Variants in CXCL13 observed in about 807,000 individuals in gnomAD.
The protein encoded by CXCL13 is C-X-C motif chemokine ligand 13.
CXCL13 carries 7 observed loss-of-function variants against 12.2 expected under a neutral mutation model. The ratio of observed to expected loss-of-function variants is 0.57; its 90% CI spans 0.33 to 1.07. The LOEUF is 1.07. Among genes scored for constraint, CXCL13 ranks in the 50% least tolerant of loss-of-function variants. The pLI is 0.04. For missense variants in CXCL13, 113 were observed against 127.4 expected (o/e 0.89, Z 0.55); for synonymous variants, 47 against 42.4 (o/e 1.11, Z -0.42).
At chr4:77,545,806 G>A (rs941869858) in intron 1 of CXCL13, among the ~76,000 whole-genome samples, 1 of 152,166 alleles carries the variant, frequency 6.6e-6, no homozygotes, top group Admixed American at 6.5e-5. Flanking sequence ...TGGTGAGAGA[G>A]GGCATCCCTG....
At chr4:77,549,495 G>C (rs1025127458) in intron 1 of CXCL13, among the ~76,000 whole-genome samples, 4 of 152,206 alleles carry the variant, frequency 2.6e-5, no homozygotes, top group African/African-American at 9.6e-5. Flanking sequence ...GGTCTTTGAT[G>C]ATGGTGACCT....
At chr4:77,573,058 G>A (rs1468013895) in intron 1 of CXCL13, among the ~76,000 whole-genome samples, 1 of 151,788 alleles carries the variant, frequency 6.6e-6, no homozygotes, top group African/African-American at 2.4e-5. Flanking sequence ...CACGTAGAGG[G>A]AAACAACCGA....
chr4:77,520,957 G>A (rs1724579747), intron 1 of CXCL13, among the ~76,000 whole-genome samples: 1 of 152,154 alleles, frequency 6.6e-6, no homozygotes, highest in Non-Finnish European at 1.5e-5. Context: ...GGCCTTTTCT[G>A]CATCCATTGA....
intron 1 of CXCL13, among the ~76,000 whole-genome samples, chr4:77,593,937 T>A (rs1726681933): frequency 6.6e-6 from 1 of 152,214 alleles, no homozygotes; most frequent in South Asian, 2.1e-4. Flanking sequence ...GAGATTGGGC[T>A]GAGTTAGAGG....
chr4:77,576,409 A>G (rs1726197388), intron 1 of CXCL13, among the ~76,000 whole-genome samples: 2 of 152,288 alleles, frequency 1.3e-5, no homozygotes, highest in Admixed American at 1.3e-4. Flanking sequence ...GCTTCTCCAG[A>G]ATTTGGAAAC....
At chr4:77,601,633 C>CAGG (rs1285175078), upstream of CXCL13, among the ~76,000 whole-genome samples, 1 of 152,208 alleles carries the variant, frequency 6.6e-6, no homozygotes, top group Non-Finnish European at 1.5e-5. Flanking sequence ...CATTTTAATT[C>CAGG]ACAGCAGGAG....
intron 1 of CXCL13, among the ~76,000 whole-genome samples, chr4:77,545,391 C>A (rs2109803543): frequency 6.6e-6 from 1 of 152,208 alleles, no homozygotes; most frequent in Admixed American, 6.5e-5. Context: ...ATGGAATGTT[C>A]TTCCATTTGA....
rs571301337 is a variant in CXCL13, at chr4:77,536,483, G to C, written c.-43+24695G>C. On this transcript the variant is annotated intron_variant, in intron 1 of 4. Coordinates refer to the CXCL13 transcript ENST00000286758. ...ATCCTGGCTCTGCTACCAACCAGCT[G>C]TATAAATTTGGGTAGCTCCCTTATC... 6.6e-5 allele frequency among the ~76,000 whole-genome samples: 10 copies of C among 152,268 alleles called. No individual in the cohort carries two copies. The South Asian group carries it at 2.1e-3, about 32-fold the overall frequency.
chr4:77,553,925 C>T (rs897430297), intron 1 of CXCL13, among the ~76,000 whole-genome samples: 1 of 151,944 alleles, frequency 6.6e-6, no homozygotes, highest in African/African-American at 2.4e-5. Flanking sequence ...TGGGATTTTG[C>T]TAAATGAGTA....
At chr4:77,567,528 G>A (rs1725968136) in intron 1 of CXCL13, among the ~76,000 whole-genome samples, 1 of 152,184 alleles carries the variant, frequency 6.6e-6, no homozygotes, top group South Asian at 2.1e-4. Flanking sequence ...AACAACTAAA[G>A]CAGCATGAGG....
intron 1 of CXCL13, among the ~76,000 whole-genome samples, chr4:77,567,320 C>A (rs115684894): frequency 0.019 from 2,833 of 152,296 alleles, 78 homozygotes; most frequent in African/African-American, 0.065. Flanking sequence ...AAAAGTTTTA[C>A]TGCTCACACA....
At chr4:77,572,001 A>C (rs964356771) in intron 1 of CXCL13, among the ~76,000 whole-genome samples, 4 of 151,706 alleles carry the variant, frequency 2.6e-5, no homozygotes, top group African/African-American at 4.9e-5. Context: ...CCACGAACCC[A>C]CCAGAAGAAA....
At chr4:77,551,441 A>C (rs183795570) in intron 1 of CXCL13, among the ~76,000 whole-genome samples, 1 of 152,214 alleles carries the variant, frequency 6.6e-6, no homozygotes, top group Non-Finnish European at 1.5e-5. Context: ...AATCCTGAAA[A>C]TAGGCCACCA....
At chr4:77,538,531 G>C (rs1255975055) in intron 1 of CXCL13, among the ~76,000 whole-genome samples, 1 of 149,752 alleles carries the variant, frequency 6.7e-6, no homozygotes, top group African/African-American at 2.5e-5. Flanking sequence ...CTGTACTATA[G>C]AAGCAAAATT....
chr4:77,531,849 C>T (rs575281339), intron 1 of CXCL13, among the ~76,000 whole-genome samples: 23 of 152,152 alleles, frequency 1.5e-4, no homozygotes, highest in Non-Finnish European at 2.9e-4. Flanking sequence ...GTCTGTTTTA[C>T]CAGAGACTAG....
intron 2 of CXCL13, among the ~76,000 whole-genome samples, chr4:77,609,166 A>G (rs952836949): frequency 7.9e-5 from 12 of 152,120 alleles, no homozygotes; most frequent in Non-Finnish European, 1.6e-4. Context: ...TGAAAACCCA[A>G]CTGCTCCATG....
At chr4:77,528,651 G>T (rs879323812) in intron 1 of CXCL13, among the ~76,000 whole-genome samples, 23 of 151,974 alleles carry the variant, frequency 1.5e-4, no homozygotes, top group South Asian at 4.2e-4. Flanking sequence ...TAAATTTGTT[G>T]GAGTTCATTG....
intron 1 of CXCL13, among the ~76,000 whole-genome samples, chr4:77,590,199 C>T (rs1726573277): frequency 6.6e-6 from 1 of 152,134 alleles, no homozygotes; most frequent in Non-Finnish European, 1.5e-5. Flanking sequence ...ATATAAATTG[C>T]TAACCACCTA....
rs117767053 is a variant in CXCL13 at position 77,578,426 on chromosome 4, T to C, written c.-42-27398T>C. 3.3e-5 allele frequency among the ~76,000 whole-genome samples: 5 copies of C among 152,292 alleles called. No homozygotes were observed. In the East Asian group the frequency reaches 7.7e-4, roughly 24 times the overall value. The stretch of plus-strand genomic sequence containing the variant: ...ATTCTTATCCTTATCTTTGTTCTAA[T>C]AGCAGTTAAGTGTACTTCTTTAGGC... On this transcript the variant is annotated intron_variant, in intron 1 of 4. Transcript: ENST00000286758.
Sources: allele counts gnomAD v4.1 joint callset (sites outside exome capture counted in the v4.1 genomes callset), GRCh38; gene constraint gnomAD v4.1.1; transcripts MANE v1.5; gene names NCBI Gene and HGNC (gene_info 2026-07-23, HGNC 2026-07-21).